CCSER2: variants seen among roughly 807,000 people sequenced by gnomAD.
CCSER2 encodes the protein coiled-coil serine rich protein 2.
CCSER2 carries 46 observed loss-of-function variants against 92.3 expected under a neutral mutation model. That is an observed-to-expected ratio of 0.50 (90% CI 0.39 to 0.64). CCSER2 has a LOEUF of 0.64. Ranked by LOEUF, CCSER2 falls within the 30% of genes least tolerant of loss-of-function variation. The probability of loss-of-function intolerance (pLI) is 0.00; values close to 1 mark genes in which losing one functional copy is unlikely to be tolerated. For synonymous variants in CCSER2, 433 were observed against 431.4 expected, an observed-to-expected ratio of 1.00 and a Z score of -0.04; for missense variants, 1,244 against 1,238.9, an observed-to-expected ratio of 1.00 and a Z score of -0.06.
Position 84,514,027 on chromosome 10 carries a change from A to G in CCSER2, c.2904A>G (p.Thr968=). ...AACTTCAGCCAACATCTAGTCAAAC[A>G]AATCTTGCAAATAATCAGAATCTGA... ...SAKLQPTSSQ[T]NLANNQNLKA... Residue 968 remains threonine, a synonymous_variant, in exon 10 of 10, where the codon ACA becomes ACG. Coordinates refer to ENST00000372088, the MANE Select transcript of CCSER2 (RefSeq NM_001284240.2). 6.5e-7 allele frequency: 1 copy of G among 1,536,672 alleles called. No individual in the cohort carries two copies. Among genetic ancestry groups the G allele is most frequent in the Non-Finnish European group, 8.7e-7 (1 of 1,147,034 alleles).
At chr10:84,373,847 T>A in intron 3 of CCSER2, 32 bp downstream of exon 3, 1 of 1,612,796 alleles carries the variant, frequency 6.2e-7, no homozygotes, top group Non-Finnish European at 8.5e-7. Flanking sequence ...CTTGGAATAT[T>A]TTGTTTACCC....
chr10:84,402,434 C>T (rs985128608), intron 3 of CCSER2, among the ~76,000 whole-genome samples: 2 of 152,020 alleles, frequency 1.3e-5, no homozygotes, highest in South Asian at 2.1e-4. Flanking sequence ...CAAATTGAAA[C>T]CAACATGTAA....
At chr10:84,436,356 C>T (rs75715342) in intron 5 of CCSER2, among the ~76,000 whole-genome samples, 9,103 of 81,004 alleles carry the variant, frequency 0.11, 661 homozygotes, top group Middle Eastern at 0.21. Context: ...AAAAAAAATG[C>T]CGGGCGCGGT....
At position 84,462,547 on chromosome 10, in the gene CCSER2, C is replaced by A. The variant is rs139834105; in HGVS notation, c.2065-1386C>A. On this transcript the variant is annotated intron_variant, in intron 6 of 9. Coordinates refer to ENST00000372088, the MANE Select transcript of CCSER2 (RefSeq NM_001284240.2). ...ACTGAGATGAGTCCTGTAAAACTCACTTTACTTTCTTTATTTCTTAATTTT... is the reference window on the plus strand; with the variant it reads ...ACTGAGATGAGTCCTGTAAAACTCAATTTACTTTCTTTATTTCTTAATTTT... Among the ~76,000 whole-genome samples, 23 of 152,230 alleles carry A rather than the reference C, an allele frequency of 1.5e-4. 1 individual carries two copies. In the East Asian group the frequency reaches 4.4e-3, roughly 29 times the overall value.
chr10:84,387,065 C>T (rs1182114834), intron 3 of CCSER2, among the ~76,000 whole-genome samples: 11 of 152,134 alleles, frequency 7.2e-5, no homozygotes, highest in Non-Finnish European at 1.5e-4. Flanking sequence ...TAAACTTACA[C>T]ATCATGAATC....
chr10:84,338,525 G>T (rs1843977440), intron 1 of CCSER2, among the ~76,000 whole-genome samples: 1 of 152,104 alleles, frequency 6.6e-6, no homozygotes, highest in Admixed American at 6.5e-5. Flanking sequence ...AAACGTAAAT[G>T]AAATTAACTT....
intron 9 of CCSER2, among the ~76,000 whole-genome samples, chr10:84,511,066 C>T (rs1849323409): frequency 6.6e-6 from 1 of 151,814 alleles, no homozygotes; most frequent in Admixed American, 6.6e-5. Context: ...ATATAGAAAC[C>T]ACTGATTTAG....
At chr10:84,430,371 T>C (rs1037860416) in intron 5 of CCSER2, among the ~76,000 whole-genome samples, 37 of 152,350 alleles carry the variant, frequency 2.4e-4, no homozygotes, top group African/African-American at 8.7e-4. Flanking sequence ...CTTGTGGACA[T>C]TTCTTTCCTC....
At chr10:84,432,389 T>A (rs919770011) in intron 5 of CCSER2, among the ~76,000 whole-genome samples, 1 of 152,122 alleles carries the variant, frequency 6.6e-6, no homozygotes, top group Admixed American at 6.5e-5. Flanking sequence ...CAACAATTTT[T>A]CAGCCCTTGC....
chr10:84,469,468 T>TTTG (rs747390384), intron 7 of CCSER2, among the ~76,000 whole-genome samples: 3 of 152,136 alleles, frequency 2.0e-5, no homozygotes, highest in South Asian at 2.1e-4. Context: ...TTCTGATCTC[T>TTTG]TTGTTAAAGA....
intron 9 of CCSER2, among the ~76,000 whole-genome samples, chr10:84,490,903 G>A (rs1255414536): frequency 3.3e-5 from 5 of 152,228 alleles, no homozygotes; most frequent in South Asian, 2.1e-4. Flanking sequence ...GATGGTGACC[G>A]ACAGATGGGA....
At chr10:84,399,925 TTAAG>T (rs141708408) in intron 3 of CCSER2, among the ~76,000 whole-genome samples, 8,783 of 152,008 alleles carry the variant, frequency 0.058, 350 homozygotes, top group Admixed American at 0.1. Flanking sequence ...CTTTCTTTCT[TTAAG>T]TAACCATCTT....
intron 3 of CCSER2, among the ~76,000 whole-genome samples, chr10:84,416,160 C>G (rs1215344229): frequency 6.6e-6 from 1 of 152,210 alleles, no homozygotes; most frequent in Non-Finnish European, 1.5e-5. Context: ...ATTGCACAAT[C>G]ACTCACCACT....
chr10:84,369,349 A>G (rs1021407110), intron 1 of CCSER2, among the ~76,000 whole-genome samples: 1 of 152,132 alleles, frequency 6.6e-6, no homozygotes, highest in African/African-American at 2.4e-5. Flanking sequence ...CTTTTTAATA[A>G]TAGCCATTCT....
At chr10:84,487,388 C>A (rs1847872819) in intron 9 of CCSER2, among the ~76,000 whole-genome samples, 1 of 152,152 alleles carries the variant, frequency 6.6e-6, no homozygotes, top group African/African-American at 2.4e-5. Flanking sequence ...GTGGAACGTT[C>A]TTCCATTTGT....
At chr10:84,506,021 G>A (rs1849022793) in intron 9 of CCSER2, among the ~76,000 whole-genome samples, 1 of 151,684 alleles carries the variant, frequency 6.6e-6, no homozygotes, top group Non-Finnish European at 1.5e-5. Context: ...CATCATCTGA[G>A]AGGTAGATGT....
intron 7 of CCSER2, among the ~76,000 whole-genome samples, chr10:84,464,987 A>C (rs1237936977): frequency 1.3e-5 from 2 of 152,140 alleles, no homozygotes; most frequent in Non-Finnish European, 2.9e-5. Flanking sequence ...TACAGTAGTC[A>C]ATCTCATTCT....
intron 6 of CCSER2, among the ~76,000 whole-genome samples, chr10:84,460,751 TTGTG>T (rs1370572211): frequency 6.6e-6 from 1 of 152,148 alleles, no homozygotes; most frequent in Non-Finnish European, 1.5e-5. Context: ...GTTGTCAAAT[TTGTG>T]TGTGTAGAGT....
chr10:84,356,566 C>T (rs1040452350), intron 1 of CCSER2, among the ~76,000 whole-genome samples: 11 of 151,852 alleles, frequency 7.2e-5, no homozygotes, highest in African/African-American at 2.7e-4. Flanking sequence ...GTTTTAAGTT[C>T]CTTCTTCAAA....
Sources: allele counts gnomAD v4.1 joint callset (sites outside exome capture counted in the v4.1 genomes callset), GRCh38; gene constraint gnomAD v4.1.1; transcripts MANE v1.5; gene names NCBI Gene and HGNC (gene_info 2026-07-23, HGNC 2026-07-21).